The following NAV3 variants were observed in gnomAD, a reference collection of about 807,000 sequenced individuals.
The protein encoded by NAV3 is pore membrane and/or filament interacting like protein 1.
In NAV3, 87 loss-of-function variants were observed where a neutral mutation model predicts 244.7. The ratio of observed to expected loss-of-function variants is 0.36; its 90% confidence interval spans 0.30 to 0.42. NAV3 has a LOEUF of 0.42. Among genes scored for constraint, NAV3 ranks in the 20% least tolerant of loss-of-function variants. The probability of loss-of-function intolerance (pLI) is 1.00; values close to 1 mark genes in which losing one functional copy is unlikely to be tolerated. For synonymous variants in NAV3, 1,126 were observed against 1,042.2 expected (o/e 1.08, Z -1.55); for missense variants, 2,663 against 2,893.3 (o/e 0.92, Z 1.83).
chr12:77,880,459 T>A (rs975783999), intron 1 of NAV3, among the ~76,000 whole-genome samples: 3 of 152,084 alleles, frequency 2.0e-5, no homozygotes, highest in South Asian at 4.1e-4. Flanking sequence ...AGAGCCTCAA[T>A]GTTGTATTGC....
rs2138577447 is a variant in NAV3, at chr12:78,118,295, C to G, written c.3038C>G (p.Pro1013Arg). ...QKAGTSALKT[P>R]GKTDDAKASE... ...GCTGGAACAAGTGCACTCAAAACACCCGGTAGGCTTGTCGTTTGCCAGCTG... is the reference window on the plus strand; with the variant it reads ...GCTGGAACAAGTGCACTCAAAACACGCGGTAGGCTTGTCGTTTGCCAGCTG... The change falls in exon 14 of 40, where the codon CCC becomes CGC. Residue 1013 changes from proline (P) to arginine (R), a missense_variant and splice_region_variant. By Grantham distance (103) the Pro-to-Arg change is moderately radical. Around this residue, in one of 6 missense-constraint regions of NAV3, gnomAD observed 1,521 missense variants for 1,497.0 expected, o/e 1.02. Transcript: ENST00000397909. 6.3e-7 allele frequency: 1 copy of G among 1,589,742 alleles called. No homozygotes were observed. The highest frequency in any genetic ancestry group is 8.6e-7 in the Non-Finnish European group (1 of 1,164,968).
intron 2 of NAV3, among the ~76,000 whole-genome samples, chr12:77,611,499 A>G (rs1007836788): frequency 6.6e-5 from 10 of 151,968 alleles, no homozygotes; most frequent in Non-Finnish European, 1.5e-4. Context: ...TTTATTTCAA[A>G]AGAAATATGT....
chr12:78,100,367 C>G (rs183375060), intron 12 of NAV3, among the ~76,000 whole-genome samples: 2 of 151,980 alleles, frequency 1.3e-5, no homozygotes, highest in East Asian at 3.9e-4. Context: ...TTCCCCCACA[C>G]TTTCCCCAAA....
intron 5 of NAV3, among the ~76,000 whole-genome samples, chr12:77,991,958 G>A (rs1324691701): frequency 6.6e-6 from 1 of 152,012 alleles, no homozygotes; most frequent in Non-Finnish European, 1.5e-5. Context: ...TTGAACCCAG[G>A]AGGTGGAGGT....
At chr12:78,042,766 G>T (rs1044833999) in intron 9 of NAV3, among the ~76,000 whole-genome samples, 3 of 152,100 alleles carry the variant, frequency 2.0e-5, no homozygotes, top group Non-Finnish European at 4.4e-5. Flanking sequence ...TCCAGCCTGA[G>T]CAAAAGAGTG....
chr12:77,603,447 T>C (rs1212477939), intron 2 of NAV3, among the ~76,000 whole-genome samples: 2 of 151,526 alleles, frequency 1.3e-5, no homozygotes, highest in Non-Finnish European at 1.5e-5. Context: ...AGTCAGAAAA[T>C]GTAGATCTGC....
chr12:77,715,739 C>T (rs1406681130), intron 2 of NAV3, among the ~76,000 whole-genome samples: 1 of 151,966 alleles, frequency 6.6e-6, no homozygotes, highest in East Asian at 1.9e-4. Flanking sequence ...GGCTGAGTAT[C>T]AAACCTCTGC....
intron 1 of NAV3, among the ~76,000 whole-genome samples, chr12:77,857,781 A>G (rs1017972015): frequency 6.6e-6 from 1 of 152,040 alleles, no homozygotes; most frequent in Non-Finnish European, 1.5e-5. Flanking sequence ...TAGGGATAGT[A>G]AAAATATGCA....
At chr12:77,754,304 A>T (rs1318669338) in intron 2 of NAV3, among the ~76,000 whole-genome samples, 1 of 152,118 alleles carries the variant, frequency 6.6e-6, no homozygotes, top group Non-Finnish European at 1.5e-5. Context: ...GACTAATTGG[A>T]TTACTCACTG....
At chr12:78,137,796 T>C (rs79305711) in intron 19 of NAV3, among the ~76,000 whole-genome samples, 4,273 of 152,292 alleles carry the variant, frequency 0.028, 61 homozygotes, top group Middle Eastern at 0.044. Context: ...AATTTTTTAT[T>C]ATATCATTTT....
intron 2 of NAV3, among the ~76,000 whole-genome samples, chr12:77,654,287 G>A (rs972518686): frequency 2.5e-4 from 38 of 152,334 alleles, no homozygotes; most frequent in Middle Eastern, 6.8e-3. Context: ...AAAAAATGGC[G>A]CGCCACGAGA....
chr12:77,977,568 G>A (rs1200091925), intron 5 of NAV3, among the ~76,000 whole-genome samples: 1 of 151,412 alleles, frequency 6.6e-6, no homozygotes, highest in Non-Finnish European at 1.5e-5. Context: ...TTATTTTTTT[G>A]TTACCAATGT....
At chr12:78,088,276 A>G (rs2137957336) in intron 12 of NAV3, among the ~76,000 whole-genome samples, 1 of 144,932 alleles carries the variant, frequency 6.9e-6, no homozygotes, top group South Asian at 2.2e-4. Flanking sequence ...TATAAATGAC[A>G]TAGACAAATA....
chr12:77,746,835 A>T (rs934905926), intron 2 of NAV3, among the ~76,000 whole-genome samples: 4 of 152,146 alleles, frequency 2.6e-5, no homozygotes, highest in African/African-American at 9.7e-5. Flanking sequence ...CTTTGGAGAG[A>T]TGAAACAATG....
intron 2 of NAV3, among the ~76,000 whole-genome samples, chr12:77,730,349 G>A (rs576840736): frequency 6.6e-6 from 1 of 151,700 alleles, no homozygotes; most frequent in African/African-American, 2.4e-5. Flanking sequence ...AAGACATTTA[G>A]TGAACAAAAA....
intron 12 of NAV3, among the ~76,000 whole-genome samples, chr12:78,105,504 G>A (rs1032621043): frequency 1.3e-5 from 2 of 151,968 alleles, no homozygotes; most frequent in South Asian, 2.1e-4. Context: ...TATTAATGAA[G>A]CTCAGTTTCG....
intron 12 of NAV3, among the ~76,000 whole-genome samples, chr12:78,108,514 C>T (rs1157992366): frequency 6.6e-6 from 1 of 152,090 alleles, no homozygotes; most frequent in African/African-American, 2.4e-5. Flanking sequence ...TTTGTGTCAT[C>T]AGCACATGAA....
chr12:78,143,830 T>C (rs980145772), intron 20 of NAV3, among the ~76,000 whole-genome samples: 1 of 152,162 alleles, frequency 6.6e-6, no homozygotes, highest in Non-Finnish European at 1.5e-5. Context: ...CACCTGTAAT[T>C]GACACCTTTA....
intron 23 of NAV3, among the ~76,000 whole-genome samples, chr12:78,160,282 T>C (rs536429098): frequency 3.9e-5 from 6 of 152,218 alleles, no homozygotes; most frequent in African/African-American, 1.2e-4. Flanking sequence ...ACCTTTCCTG[T>C]GATGACCAGT....
Sources: gnomAD v4.1 joint callset for allele counts (sites outside exome capture counted in the v4.1 genomes callset) on GRCh38, gnomAD v4.1.1 for gene constraint, gnomAD v4.1.1 regional missense constraint, MANE v1.5 for transcripts, NCBI Gene and HGNC (gene_info 2026-07-23, HGNC 2026-07-21) for gene names.